Variants in WBP1L observed in about 807,000 individuals in gnomAD.
The protein encoded by WBP1L is WW domain binding protein 1 like.
WBP1L carries 17 observed loss-of-function variants against 33.7 expected under a neutral mutation model. The ratio of observed to expected loss-of-function variants is 0.50; its 90% CI spans 0.34 to 0.76. The LOEUF is 0.76. Among genes scored for constraint, WBP1L ranks in the 30% least tolerant of loss-of-function variants. The probability of loss-of-function intolerance (pLI) is 0.01; values close to 1 mark genes in which losing one functional copy is unlikely to be tolerated. For missense variants in WBP1L, 389 were observed against 469.4 expected (o/e 0.83, Z 1.58); for synonymous variants, 173 against 190.8 (o/e 0.91, Z 0.77).
At chr10:102,768,173 C>T (rs1843136736) in intron 1 of WBP1L, among the ~76,000 whole-genome samples, 1 of 151,862 alleles carries the variant, frequency 6.6e-6, no homozygotes, top group Non-Finnish European at 1.5e-5. Context: ...TGGGTTCAAG[C>T]GATTCGTTCT....
chr10:102,773,492 T>A lies in WBP1L; in HGVS notation c.91-24501T>A, dbSNP rs537992351. 2.0e-5 allele frequency among the ~76,000 whole-genome samples: 3 copies of A among 151,808 alleles called. No individual in the cohort carries two copies. The East Asian group carries it at 5.8e-4, about 30-fold the overall frequency. ...CATTAGGAAATCAGGAAGTCTATAA[T>A]GCAATTTTGATCATTTAGGTTGTAT... On this transcript the variant is annotated intron_variant, in intron 1 of 3. Transcript: ENST00000448841.
chr10:102,767,213 C>T (rs1843122382), intron 1 of WBP1L, among the ~76,000 whole-genome samples: 1 of 152,132 alleles, frequency 6.6e-6, no homozygotes, highest in Non-Finnish European at 1.5e-5. Flanking sequence ...GAGATGGCAG[C>T]GAATTGTTGT....
intron 1 of WBP1L, among the ~76,000 whole-genome samples, chr10:102,783,752 A>G (rs1843369849): frequency 6.6e-6 from 1 of 152,190 alleles, no homozygotes; most frequent in South Asian, 2.1e-4. Flanking sequence ...AACATCCTAC[A>G]ATGTACAGTT....
At chr10:102,803,185 A>G (rs771476907) in intron 2 of WBP1L, among the ~76,000 whole-genome samples, 30 of 152,194 alleles carry the variant, frequency 2.0e-4, no homozygotes, top group Non-Finnish European at 3.7e-4. Context: ...TGACGTCTTC[A>G]TTTCCCAAAT....
At chr10:102,766,918 C>CGA (rs1173275518) in intron 1 of WBP1L, among the ~76,000 whole-genome samples, 1 of 151,982 alleles carries the variant, frequency 6.6e-6, no homozygotes, top group African/African-American at 2.4e-5. Context: ...GTTCTTATTC[C>CGA]GATCTTTGGT....
intron 1 of WBP1L, among the ~76,000 whole-genome samples, chr10:102,786,004 TGG>T (rs1843409887): frequency 1.3e-5 from 2 of 152,216 alleles, no homozygotes; most frequent in Non-Finnish European, 2.9e-5. Context: ...ATTTTTGCTG[TGG>T]GATTTTCCTA....
chr10:102,759,681 G>T (rs759302078), intron 1 of WBP1L, among the ~76,000 whole-genome samples: 1 of 152,044 alleles, frequency 6.6e-6, no homozygotes, highest in Non-Finnish European at 1.5e-5. Context: ...TAGAGATGGG[G>T]GTCTTACTAT....
At chr10:102,782,966 A>C (rs1313775052) in intron 1 of WBP1L, among the ~76,000 whole-genome samples, 1 of 152,096 alleles carries the variant, frequency 6.6e-6, no homozygotes, top group African/African-American at 2.4e-5. Flanking sequence ...GGATCTCCCA[A>C]CTGTGATGCA....
At chr10:102,811,694 A>G (rs919633828) in intron 3 of WBP1L, among the ~76,000 whole-genome samples, 1 of 152,096 alleles carries the variant, frequency 6.6e-6, no homozygotes, top group African/African-American at 2.4e-5. Flanking sequence ...TATTTTTAGT[A>G]GAGATGGGGT....
intron 1 of WBP1L, among the ~76,000 whole-genome samples, chr10:102,795,669 T>C (rs999886590): frequency 5.3e-5 from 8 of 152,222 alleles, no homozygotes. Flanking sequence ...AGAAGTGTCA[T>C]TGGATTCTTT....
At chr10:102,772,558 CTTTTTTT>C (rs34624231) in intron 1 of WBP1L, among the ~76,000 whole-genome samples, 3 of 64,740 alleles carry the variant, frequency 4.6e-5, no homozygotes, top group South Asian at 5.5e-4. Context: ...ATGCCCGGCC[CTTTTTTT>C]TTTTTTTTTT....
At chr10:102,807,075 A>G (rs1302920080) in intron 2 of WBP1L, among the ~76,000 whole-genome samples, 2 of 152,198 alleles carry the variant, frequency 1.3e-5, no homozygotes, top group Non-Finnish European at 2.9e-5. Flanking sequence ...TAAAATTTTA[A>G]ACACAAATTT....
chr10:102,812,955 G>A lies in WBP1L; in HGVS notation c.716G>A (p.Cys239Tyr), dbSNP rs563991836. ...GCCTTCCTGGACAAAGATGCAGAAT[G>A]TAGGGAGGAGCTGCTGAAAGATGAC... The part of the protein sequence containing the change: ...PGAFLDKDAE[C>Y]REELLKDDSS... The change falls in exon 4 of 4, where the codon TGT (cysteine) becomes TAT (tyrosine). Residue 239 changes from cysteine (C) to tyrosine (Y), a missense_variant. Physicochemically the swap from Cys to Tyr is radical, Grantham distance 194. Transcript: ENST00000448841. 2 of 1,608,800 alleles carry A rather than the reference G, an allele frequency of 1.2e-6. No homozygotes were observed. The highest frequency in any genetic ancestry group is 1.7e-6 in the Non-Finnish European group (2 of 1,176,568).
intron 1 of WBP1L, among the ~76,000 whole-genome samples, chr10:102,788,783 G>C (rs932486945): frequency 2.6e-5 from 4 of 152,128 alleles, no homozygotes; most frequent in Non-Finnish European, 5.9e-5. Flanking sequence ...CTCTGCAAGA[G>C]CAGCCACAAC....
chr10:102,773,193 T>A (rs1266073680), intron 1 of WBP1L, among the ~76,000 whole-genome samples: 2 of 152,194 alleles, frequency 1.3e-5, no homozygotes, highest in Non-Finnish European at 2.9e-5. Flanking sequence ...CTCACTTTCC[T>A]GGGAATGCCT....
chr10:102,760,501 C>T (rs987561642), intron 1 of WBP1L, among the ~76,000 whole-genome samples: 12 of 151,192 alleles, frequency 7.9e-5, no homozygotes, highest in African/African-American at 2.9e-4. Flanking sequence ...CTCAGCCTTC[C>T]GAGTAGCTGG....
Position 102,812,813 on chromosome 10 carries a change from C to A in WBP1L, c.574C>A (p.Pro192Thr), listed in dbSNP as rs751075397. 12 of 1,598,560 alleles carry A rather than the reference C, an allele frequency of 7.5e-6. No homozygotes were observed. The highest frequency in any genetic ancestry group is 6.8e-6 in the Non-Finnish European group (8 of 1,172,118). Reference sequence around the variant, plus strand: ...TGAGCCCAGCAGAAGCAGCACAAGACCCCCAAGCATCGCTGACCCTGATCC... The same window carrying A: ...TGAGCCCAGCAGAAGCAGCACAAGAACCCCAAGCATCGCTGACCCTGATCC... ...LSEPSRSSTR[P>T]PSIADPDPSD... The change falls in exon 4 of 4, where the codon CCC becomes ACC. Residue 192 changes from proline (P) to threonine (T), a missense_variant. Pro to Thr is a conservative substitution (Grantham distance 38). Transcript: ENST00000448841.
At chr10:102,761,135 T>C (rs1483361013) in intron 1 of WBP1L, among the ~76,000 whole-genome samples, 1 of 149,736 alleles carries the variant, frequency 6.7e-6, no homozygotes, top group Non-Finnish European at 1.5e-5. Flanking sequence ...TTTTTTTTTT[T>C]TTTCTTTTCT....
rs1309957919 is a variant in WBP1L, at chr10:102,814,398, G to A, written c.*1067G>A. On this transcript the variant is annotated 3_prime_UTR_variant, in exon 4 of 4. Coordinates refer to ENST00000448841, the MANE Select transcript of WBP1L (RefSeq NM_001083913.2). ...GTTCCGTATGAGGAAACAGACAGCG[G>A]ACTGAGGAAGCGATGGCCCCAGAGA... The A allele has an allele frequency of 6.6e-6, 1 of 152,640 alleles. No homozygotes were observed. The highest frequency in any genetic ancestry group is 1.9e-4 in the East Asian group (1 of 5,206). The allele number at this position is 152,640 out of a possible 1,614,324, so 9.5% of individuals were successfully genotyped here. A position where few individuals can be genotyped will look rare whatever the true frequency, so the allele number is the denominator to read the frequency against.
Sources: gnomAD v4.1 joint callset for allele counts (sites outside exome capture counted in the v4.1 genomes callset) on GRCh38, gnomAD v4.1.1 for gene constraint, MANE v1.5 for transcripts, NCBI Gene and HGNC (gene_info 2026-07-23, HGNC 2026-07-21) for gene names.